The following PDC variants were observed in gnomAD, a reference collection of about 807,000 sequenced individuals.
PDC encodes the protein 33 kDa phototransducing protein.
Under a neutral mutation model 22.2 loss-of-function variants are expected in PDC, and 19 were observed. That is an observed-to-expected ratio of 0.86 (90% CI 0.60 to 1.26). The LOEUF is 1.26. Ranked by LOEUF, PDC falls within the 50% of genes most tolerant of loss-of-function variation. The pLI, the probability that PDC is intolerant of heterozygous loss-of-function variation, is 0.00. For synonymous variants in PDC, 97 were observed against 96.2 expected (o/e 1.01, Z -0.05); for missense variants, 274 against 286.8 (o/e 0.96, Z 0.32).
At position 186,443,742 on chromosome 1, in the gene PDC, C is replaced by A. The variant is rs1242524282; in HGVS notation, c.*237G>T. On this transcript the variant is annotated 3_prime_UTR_variant, in exon 4 of 4. Transcript: ENST00000391997. ...TTGAAAAATGTCATAATATTATCCA[C>A]ATCCTCTTTGTCTACTAATAATGTT... 4.7e-6 allele frequency: 2 copies of A among 428,000 alleles called. No individual in the cohort carries two copies. Among genetic ancestry groups the A allele is most frequent in the Non-Finnish European group, 8.3e-6 (2 of 241,090 alleles). The allele number at this position is 428,000 out of a possible 1,614,324, so 26.5% of individuals were successfully genotyped here. A position where few individuals can be genotyped will look rare whatever the true frequency, so the allele number is the denominator to read the frequency against.
intron 3 of PDC, among the ~76,000 whole-genome samples, chr1:186,445,173 A>G (rs1170374591): frequency 2.0e-5 from 3 of 152,166 alleles, no homozygotes; most frequent in South Asian, 2.1e-4. Flanking sequence ...CTATTCCCCC[A>G]ACCAAAAAAG....
intron 1 of PDC, among the ~76,000 whole-genome samples, chr1:186,455,920 C>T (rs1260735752): frequency 5.5e-5 from 7 of 127,962 alleles, no homozygotes; most frequent in Non-Finnish European, 1.1e-4. Context: ...TGCAGTGAGC[C>T]GAGATTGCGC....
chr1:186,450,975 A>G (rs1322757911), intron 1 of PDC: 2 of 152,170 alleles, frequency 1.3e-5, no homozygotes, highest in African/African-American at 4.8e-5. Flanking sequence ...TTTAGGCACT[A>G]TATCGCACAG....
In PDC at chr1:186,445,675, T is replaced by C. The variant is rs149104768; in HGVS notation, c.213+751A>G. Among the ~76,000 whole-genome samples the C allele has an allele frequency of 3.1e-3, 475 of 152,168 alleles. 10 individuals are homozygous for C. The highest frequency in any genetic ancestry group is 0.026 in the Admixed American group (403 of 15,286). ...AAAAAATGGTGGCACATGCCTGTAG[T>C]CCCAGCTACTTGGGAGGCTGTGGCA... is the stretch of plus-strand genomic sequence containing the variant. On this transcript the variant is annotated intron_variant, in intron 3 of 3. Coordinates refer to ENST00000391997, the MANE Select transcript of PDC (RefSeq NM_002597.5).
chr1:186,448,272 G>A (rs1319234961), intron 2 of PDC, among the ~76,000 whole-genome samples: 5 of 152,140 alleles, frequency 3.3e-5, no homozygotes, highest in Non-Finnish European at 7.4e-5. Context: ...ATGTATGAGG[G>A]TGCCAAAAAT....
chr1:186,453,087 T>C (rs1412354934), intron 1 of PDC, among the ~76,000 whole-genome samples: 1 of 152,192 alleles, frequency 6.6e-6, no homozygotes, highest in African/African-American at 2.4e-5. Context: ...CAGCTTAAAA[T>C]AGAATTTTAC....
intron 1 of PDC, among the ~76,000 whole-genome samples, chr1:186,457,046 C>T (rs181241516): frequency 6.6e-5 from 10 of 152,298 alleles, no homozygotes; most frequent in East Asian, 1.9e-4. Flanking sequence ...CAGGGCTTTA[C>T]GTCCTACTTT....
At chr1:186,460,502 G>A (rs1347293397) in intron 1 of PDC, among the ~76,000 whole-genome samples, 1 of 152,150 alleles carries the variant, frequency 6.6e-6, no homozygotes, top group African/African-American at 2.4e-5. Context: ...TATTATTAGT[G>A]ATTATGGTTA....
chr1:186,449,480 T>A lies in PDC; in HGVS notation c.-21A>T. The A allele has an allele frequency of 6.7e-7, 1 of 1,492,982 alleles. No homozygotes were observed. Among genetic ancestry groups the A allele is most frequent in the Non-Finnish European group, 9.3e-7 (1 of 1,074,098 alleles). The allele number at this position is 1,492,982 out of a possible 1,614,324, so 92.5% of individuals were successfully genotyped here. A position where few individuals can be genotyped will look rare whatever the true frequency, so the allele number is the denominator to read the frequency against. On this transcript the variant is annotated 5_prime_UTR_variant, in exon 2 of 4. Transcript: ENST00000391997. Reference sequence around the variant, plus strand: ...TCCATTTTAGGGACTGGATTTGATATAATCTATAGGAGGAACAAAGAAATA... The same window carrying A: ...TCCATTTTAGGGACTGGATTTGATAAAATCTATAGGAGGAACAAAGAAATA...
rs1157926478 is a variant in PDC, at chr1:186,458,226, CTTTTT to C, written c.-25+2828_-25+2832del. Among the ~76,000 whole-genome samples, 79 of 88,394 alleles carry C rather than the reference CTTTTT, an allele frequency of 8.9e-4. 1 individual carries two copies. Among genetic ancestry groups the C allele is most frequent in the East Asian group, 6.2e-3 (18 of 2,886 alleles). The allele number at this position is 88,394 out of a possible 152,430, so 58.0% of individuals were successfully genotyped here. ...TTTGCTATTATGACATACAGATATT[CTTTTT>C]TTTTTTTTTTTTTTTTTTTTAGAAA... On this transcript the variant is annotated intron_variant, in intron 1 of 3. Coordinates refer to ENST00000391997, the MANE Select transcript of PDC (RefSeq NM_002597.5).
At chr1:186,458,864 G>T (rs1662522370) in intron 1 of PDC, among the ~76,000 whole-genome samples, 1 of 152,196 alleles carries the variant, frequency 6.6e-6, no homozygotes, top group South Asian at 2.1e-4. Context: ...CATGGTCCCA[G>T]CTGAAAGCCT....
chr1:186,446,560 T>C lies in PDC; in HGVS notation c.79A>G (p.Asn27Asp), dbSNP rs1662232797. Reference protein sequence around the residue: ...ATHTGPKGVINDWRKFKLESQ... With the variant: ...ATHTGPKGVIDDWRKFKLESQ... ...TCTAATTTAAACTTTCTCCAATCATTTATTACTCCTTTGGGTCCTGGAATG... is the reference window on the plus strand; with the variant it reads ...TCTAATTTAAACTTTCTCCAATCATCTATTACTCCTTTGGGTCCTGGAATG... Residue 27 changes from asparagine (N) to aspartate (D), a missense_variant, in exon 3 of 4, where the codon AAT becomes GAT. Asn to Asp is a conservative substitution (Grantham distance 23). Transcript: ENST00000391997. 2 of 1,576,882 alleles carry C rather than the reference T, an allele frequency of 1.3e-6. No homozygotes were observed. The highest frequency in any genetic ancestry group is 1.7e-6 in the Non-Finnish European group (2 of 1,150,632).
At chr1:186,452,239 A>T (rs939856356) in intron 1 of PDC, among the ~76,000 whole-genome samples, 3 of 151,514 alleles carry the variant, frequency 2.0e-5, no homozygotes, top group East Asian at 1.9e-4. Flanking sequence ...CATACAATTA[A>T]TTTTTTTTTG....
chr1:186,454,423 C>T (rs71634163), intron 1 of PDC, among the ~76,000 whole-genome samples: 6,642 of 151,916 alleles, frequency 0.044, 186 homozygotes, highest in Non-Finnish European at 0.062. Flanking sequence ...GCGATCCACC[C>T]TCAGCCTCCC....
At chr1:186,449,313 C>A in intron 2 of PDC, 86 bp downstream of exon 2, 1 of 645,588 alleles carries the variant, frequency 1.5e-6, no homozygotes, top group Non-Finnish European at 2.6e-6. Context: ...ACTTAAAGTA[C>A]ATACTGAATA....
chr1:186,452,813 T>G lies in PDC; in HGVS notation c.-24-3330A>C, dbSNP rs138512305. Among the ~76,000 whole-genome samples, 52 of 152,302 alleles carry G rather than the reference T, an allele frequency of 3.4e-4. No individual in the cohort carries two copies. The East Asian group carries it at 7.7e-3, about 23-fold the overall frequency. ...TCTTTGTGTGATTGGAAATTGGTAATAAAGTAAGGCAAGAAGGCAGAAGGT... is the reference window on the plus strand; with the variant it reads ...TCTTTGTGTGATTGGAAATTGGTAAGAAAGTAAGGCAAGAAGGCAGAAGGT... On this transcript the variant is annotated intron_variant, in intron 1 of 3. Coordinates refer to ENST00000391997, the MANE Select transcript of PDC (RefSeq NM_002597.5).
In PDC at chr1:186,443,901, A is replaced by G. The variant is rs1330906734; in HGVS notation, c.*78T>C. The stretch of plus-strand genomic sequence containing the variant: ...ATAGCCGTGCCCATACTCTGTGTTC[A>G]CTAAAGCAATATAGATACTACCAAA... On this transcript the variant is annotated 3_prime_UTR_variant, in exon 4 of 4. Coordinates refer to ENST00000391997, the MANE Select transcript of PDC (RefSeq NM_002597.5). 2.8e-6 allele frequency: 3 copies of G among 1,057,430 alleles called. No individual in the cohort carries two copies. Among genetic ancestry groups the G allele is most frequent in the Non-Finnish European group, 4.2e-6 (3 of 710,492 alleles). 65.5% of individuals were successfully genotyped at this position (1,057,430 alleles called of 1,614,324 possible).
At chr1:186,447,038 G>A (rs1662246545) in intron 2 of PDC, among the ~76,000 whole-genome samples, 1 of 152,164 alleles carries the variant, frequency 6.6e-6, no homozygotes, top group South Asian at 2.1e-4. Context: ...CTGGTGAGCA[G>A]GGGGCCTGAC....
intron 1 of PDC, among the ~76,000 whole-genome samples, chr1:186,454,461 C>T (rs559460486): frequency 1.0e-5 from 1 of 98,956 alleles, no homozygotes; most frequent in African/African-American, 7.0e-5. Context: ...AGTCGTGAGC[C>T]ACCGCACCTG....
Sources: gnomAD v4.1 joint callset for allele counts (sites outside exome capture counted in the v4.1 genomes callset) on GRCh38, gnomAD v4.1.1 for gene constraint, MANE v1.5 for transcripts, NCBI Gene and HGNC (gene_info 2026-07-23, HGNC 2026-07-21) for gene names.